RAB3IP: variants seen among roughly 807,000 people sequenced by gnomAD.
RAB3IP encodes the protein RAB3A interacting protein.
In RAB3IP, 36 loss-of-function variants were observed where a neutral mutation model predicts 59.1. The observed-to-expected ratio is 0.61, with a 90% confidence interval of 0.47 to 0.80. The LOEUF is 0.80. Among genes scored for constraint, RAB3IP ranks in the 30% least tolerant of loss-of-function variants. RAB3IP has a pLI of 0.00. For synonymous variants in RAB3IP, 207 were observed against 191.2 expected (o/e 1.08, Z -0.68); for missense variants, 511 against 536.0 (o/e 0.95, Z 0.46).
At chr12:69,759,884 C>T (rs1323639237) in intron 3 of RAB3IP, among the ~76,000 whole-genome samples, 11 of 151,868 alleles carry the variant, frequency 7.2e-5, no homozygotes, top group Non-Finnish European at 1.2e-4. Flanking sequence ...ACGCTCCTCA[C>T]CTCCCAGACG....
intron 3 of RAB3IP, among the ~76,000 whole-genome samples, chr12:69,769,076 ATC>A (rs1872694424): frequency 6.6e-6 from 1 of 151,958 alleles, no homozygotes; most frequent in African/African-American, 2.4e-5. Context: ...TCCCTGCTCA[ATC>A]TCTCTTCTGT....
At chr12:69,798,389 A>C (rs2136239863) in intron 6 of RAB3IP, among the ~76,000 whole-genome samples, 1 of 150,860 alleles carries the variant, frequency 6.6e-6, no homozygotes. Flanking sequence ...TTTTCTTGTA[A>C]ATTTGTTTGA....
At chr12:69,773,389 AT>A (rs906660794) in intron 3 of RAB3IP, among the ~76,000 whole-genome samples, 1 of 72,896 alleles carries the variant, frequency 1.4e-5, no homozygotes, top group African/African-American at 4.9e-5. Flanking sequence ...CCTTCTACCC[AT>A]TTGTCTTTCT....
intron 4 of RAB3IP, among the ~76,000 whole-genome samples, chr12:69,788,877 T>C (rs1876155539): frequency 6.6e-6 from 1 of 152,010 alleles, no homozygotes; most frequent in South Asian, 2.1e-4. Context: ...TGGAATTCAA[T>C]TAGGAATCAA....
chr12:69,818,803 T>C lies in RAB3IP; in HGVS notation c.*3357T>C, dbSNP rs1881406809. On this transcript the variant is annotated 3_prime_UTR_variant, in exon 11 of 11. Coordinates refer to ENST00000247833, the MANE Select transcript of RAB3IP (RefSeq NM_022456.5). Reference sequence around the variant, plus strand: ...TTTTAAAAAGTAATAAAGTTCAAGATAGTGGTTACCTCTGGAGAGGTAGAG... The same window carrying C: ...TTTTAAAAAGTAATAAAGTTCAAGACAGTGGTTACCTCTGGAGAGGTAGAG... 1 of 152,308 alleles carries C rather than the reference T, an allele frequency of 6.6e-6. No homozygotes were observed. Among genetic ancestry groups the C allele is most frequent in the South Asian group, 2.1e-4 (1 of 4,826 alleles). The allele number at this position is 152,308 out of a possible 1,614,324, so 9.4% of individuals were successfully genotyped here. A position where few individuals can be genotyped will look rare whatever the true frequency, so the allele number is the denominator to read the frequency against.
rs149754396 is a variant in RAB3IP at position 69,741,290 on chromosome 12, A to G, written c.-26+2259A>G. ...CAAGTCAGGAAATGGAGGCTTAGAA[A>G]GTTGCGATAATTTGTCTATGGTTAC... On this transcript the variant is annotated intron_variant, in intron 1 of 10. Coordinates refer to ENST00000247833, the MANE Select transcript of RAB3IP (RefSeq NM_022456.5). 1.3e-4 allele frequency among the ~76,000 whole-genome samples: 20 copies of G among 152,326 alleles called. No individual in the cohort carries two copies. In the East Asian group the frequency reaches 3.7e-3, roughly 28 times the overall value.
intron 4 of RAB3IP, among the ~76,000 whole-genome samples, chr12:69,792,672 C>T (rs950943211): frequency 1.4e-4 from 22 of 152,248 alleles, no homozygotes; most frequent in African/African-American, 5.3e-4. Context: ...AGCAACTGAT[C>T]CTGCCCCAGT....
At chr12:69,810,646 G>T (rs1880297783) in intron 8 of RAB3IP, among the ~76,000 whole-genome samples, 1 of 148,892 alleles carries the variant, frequency 6.7e-6, no homozygotes, top group Admixed American at 6.7e-5. Flanking sequence ...GTATGGAGAG[G>T]AAAGGGAAGA....
At chr12:69,751,807 C>G (rs1447922208) in intron 1 of RAB3IP, among the ~76,000 whole-genome samples, 1 of 152,058 alleles carries the variant, frequency 6.6e-6, no homozygotes, top group Admixed American at 6.5e-5. Flanking sequence ...AAGCTACCAT[C>G]TCAGTACACA....
chr12:69,815,695 A>AAAC lies in RAB3IP; in HGVS notation c.*251_*252insCAA. On this transcript the variant is annotated 3_prime_UTR_variant, in exon 11 of 11. Transcript: ENST00000247833. ...TAATTTATAGTTGCCAAAAAAAAAA[A>AAAC]AAACCTGAAATAAATAAATGTTAGA... 1 of 253,754 alleles carries AAAC rather than the reference A, an allele frequency of 3.9e-6. No individual in the cohort carries two copies. The highest frequency in any genetic ancestry group is 7.4e-6 in the Non-Finnish European group (1 of 134,330). The allele number at this position is 253,754 out of a possible 1,614,324, so 15.7% of individuals were successfully genotyped here. A position where few individuals can be genotyped will look rare whatever the true frequency, so the allele number is the denominator to read the frequency against.
intron 6 of RAB3IP, among the ~76,000 whole-genome samples, chr12:69,799,243 T>C (rs546124568): frequency 1.3e-5 from 2 of 152,322 alleles, no homozygotes; most frequent in East Asian, 3.9e-4. Flanking sequence ...TGAGCTATCC[T>C]AGAGGCAGTC....
At chr12:69,781,758 G>A (rs1874759566) in intron 3 of RAB3IP, among the ~76,000 whole-genome samples, 1 of 152,184 alleles carries the variant, frequency 6.6e-6, no homozygotes, top group African/African-American at 2.4e-5. Flanking sequence ...GTACCACAGT[G>A]TATTCATTCA....
chr12:69,773,556 T>A (rs1403163065), intron 3 of RAB3IP, among the ~76,000 whole-genome samples: 1 of 127,476 alleles, frequency 7.8e-6, no homozygotes, highest in Admixed American at 8.0e-5. Flanking sequence ...TGCTATCCCT[T>A]CCCCCTCCCC....
intron 3 of RAB3IP, among the ~76,000 whole-genome samples, chr12:69,759,909 C>A (rs1370707902): frequency 3.3e-5 from 5 of 151,602 alleles, no homozygotes; most frequent in Non-Finnish European, 2.9e-5. Context: ...CGCGGCTGGA[C>A]AGAGGCGCTC....
rs115994595 is a variant in RAB3IP at position 69,743,992 on chromosome 12, T to A, written c.-26+4961T>A. ...AAAGAAATTTGGAAAATGATTTTTT[T>A]AAAAAATTATACTTTTAAGTTCTGG... On this transcript the variant is annotated intron_variant, in intron 1 of 10. Coordinates refer to ENST00000247833, the MANE Select transcript of RAB3IP (RefSeq NM_022456.5). 4.9e-3 allele frequency among the ~76,000 whole-genome samples: 741 copies of A among 152,320 alleles called. 5 individuals carry two copies. Among genetic ancestry groups the A allele is most frequent in the African/African-American group, 0.016 (675 of 41,560 alleles).
At chr12:69,809,619 A>C (rs1880071865) in intron 8 of RAB3IP, among the ~76,000 whole-genome samples, 1 of 151,972 alleles carries the variant, frequency 6.6e-6, no homozygotes, top group African/African-American at 2.4e-5. Flanking sequence ...TTTTTTCTCT[A>C]AACTTCTCTT....
intron 3 of RAB3IP, among the ~76,000 whole-genome samples, chr12:69,782,196 G>A (rs1034938614): frequency 6.6e-6 from 1 of 152,030 alleles, no homozygotes; most frequent in African/African-American, 2.4e-5. Context: ...ATCGAGTCTC[G>A]CTCTATCGCC....
chr12:69,763,322 A>G lies in RAB3IP; in HGVS notation c.510+6659A>G, dbSNP rs192432029. 3.7e-3 allele frequency among the ~76,000 whole-genome samples: 571 copies of G among 152,298 alleles called. 4 individuals are homozygous for G. The highest frequency in any genetic ancestry group is 0.013 in the African/African-American group (542 of 41,570). On this transcript the variant is annotated intron_variant, in intron 3 of 10. Coordinates refer to ENST00000247833, the MANE Select transcript of RAB3IP (RefSeq NM_022456.5). ...GCTCTCTTGGGCATCTTTCTGCTAA[A>G]ACTGTGACTAACTTTCTCAAAACAC...
intron 3 of RAB3IP, among the ~76,000 whole-genome samples, chr12:69,782,348 A>G (rs577149780): frequency 2.6e-5 from 4 of 152,262 alleles, no homozygotes; most frequent in African/African-American, 9.6e-5. Flanking sequence ...TATTTTTAGT[A>G]GAGACGGGGT....
Sources: allele counts gnomAD v4.1 joint callset (sites outside exome capture counted in the v4.1 genomes callset), GRCh38; gene constraint gnomAD v4.1.1; transcripts MANE v1.5; gene names NCBI Gene and HGNC (gene_info 2026-07-23, HGNC 2026-07-21).